DSCAML1: variants seen among roughly 807,000 people sequenced by gnomAD.
DSCAML1 encodes the protein cell adhesion molecule DSCAML1.
A neutral mutation model predicts 200.5 loss-of-function variants in DSCAML1; 38 were observed. The observed-to-expected ratio is 0.19, with a 90% CI of 0.15 to 0.25. DSCAML1 has a LOEUF of 0.25. Ranked by LOEUF, DSCAML1 falls within the 10% of genes least tolerant of loss-of-function variation. The probability of loss-of-function intolerance (pLI) is 1.00; values close to 1 mark genes in which losing one functional copy is unlikely to be tolerated. For missense variants in DSCAML1, 2,223 were observed against 2,858.8 expected, an observed-to-expected ratio of 0.78 and a Z score of 5.07; for synonymous variants, 1,215 against 1,165.0, an observed-to-expected ratio of 1.04 and a Z score of -0.87.
chr11:117,789,357 G>C (rs898712513), intron 1 of DSCAML1, among the ~76,000 whole-genome samples: 1 of 152,168 alleles, frequency 6.6e-6, no homozygotes, highest in Admixed American at 6.5e-5. Flanking sequence ...TCTTTCCAGG[G>C]AGTCAGCTCA....
At chr11:117,747,641 G>T (rs1002783520) in intron 3 of DSCAML1, among the ~76,000 whole-genome samples, 1 of 152,228 alleles carries the variant, frequency 6.6e-6, no homozygotes, top group Non-Finnish European at 1.5e-5. Flanking sequence ...GAATGAGCTG[G>T]CTTCAGGAGG....
intron 14 of DSCAML1, among the ~76,000 whole-genome samples, chr11:117,473,528 G>A (rs488931): frequency 0.55 from 83,479 of 151,908 alleles, 24,033 homozygotes; most frequent in African/African-American, 0.7. Flanking sequence ...AAACAAAACA[G>A]AAAAACGTAA....
intron 3 of DSCAML1, among the ~76,000 whole-genome samples, chr11:117,664,657 G>A (rs2052935843): frequency 6.6e-6 from 1 of 152,246 alleles, no homozygotes; most frequent in African/African-American, 2.4e-5. Context: ...CACAAAGGGA[G>A]CTCCTCGCAT....
chr11:117,762,624 A>G (rs1442008254), intron 3 of DSCAML1, among the ~76,000 whole-genome samples: 2 of 152,106 alleles, frequency 1.3e-5, no homozygotes, highest in Non-Finnish European at 2.9e-5. Flanking sequence ...GCACTTTGGG[A>G]GGTGGAGGCG....
intron 11 of DSCAML1, among the ~76,000 whole-genome samples, chr11:117,492,130 A>C (rs2049193681): frequency 6.6e-6 from 1 of 151,872 alleles, no homozygotes; most frequent in Non-Finnish European, 1.5e-5. Flanking sequence ...CCCTACCCCG[A>C]GGTAATTCTC....
intron 1 of DSCAML1, among the ~76,000 whole-genome samples, chr11:117,796,795 C>T (rs1165619921): frequency 1.3e-5 from 2 of 152,196 alleles, no homozygotes; most frequent in Non-Finnish European, 2.9e-5. Flanking sequence ...TCCTTTGCCA[C>T]CACCCCTACG....
chr11:117,559,631 C>T (rs1027629656), intron 3 of DSCAML1, among the ~76,000 whole-genome samples: 1 of 152,160 alleles, frequency 6.6e-6, no homozygotes, highest in East Asian at 1.9e-4. Context: ...TCCCCCCTCT[C>T]GTTGCAAATC....
rs1465215590 is a variant in DSCAML1, at chr11:117,473,078, T to TA, written c.2786-1043dup. 2.0e-5 allele frequency among the ~76,000 whole-genome samples: 3 copies of TA among 152,232 alleles called. No individual in the cohort carries two copies. In the South Asian group the frequency reaches 6.2e-4, roughly 32 times the overall value. ...ATTTTCTATGCCTTTAAACCCACAG[T>TA]AGAGTATCGTGAAAAATTCTCCATA... is the stretch of plus-strand genomic sequence containing the variant. On this transcript the variant is annotated intron_variant, in intron 14 of 32. Transcript: ENST00000651296.
intron 3 of DSCAML1, among the ~76,000 whole-genome samples, chr11:117,545,564 G>GC (rs1321566634): frequency 2.0e-5 from 3 of 152,190 alleles, no homozygotes; most frequent in Admixed American, 6.5e-5. Flanking sequence ...CATGAAGATG[G>GC]GGAGGGGAGA....
At chr11:117,718,669 C>CG (rs2053995067) in intron 3 of DSCAML1, among the ~76,000 whole-genome samples, 1 of 39,170 alleles carries the variant, frequency 2.6e-5, no homozygotes, top group African/African-American at 1.2e-4. Flanking sequence ...ATACTCAAAA[C>CG]CCCCCCCCCC....
Position 117,745,441 on chromosome 11 carries a change from C to G in DSCAML1, c.511+31350G>C, listed in dbSNP as rs117373043. Reference sequence around the variant, plus strand: ...CCCTTGAGGCCAAGACAGGGTGGGGCGGGGGACAGGGATGGGCAGCACATA... The same window carrying G: ...CCCTTGAGGCCAAGACAGGGTGGGGGGGGGGACAGGGATGGGCAGCACATA... On this transcript the variant is annotated intron_variant, in intron 3 of 32. Coordinates refer to ENST00000651296, the MANE Select transcript of DSCAML1 (RefSeq NM_020693.4). 1.7e-3 allele frequency among the ~76,000 whole-genome samples: 256 copies of G among 152,082 alleles called. 1 individual carries two copies. The highest frequency in any genetic ancestry group is 5.7e-3 in the African/African-American group (237 of 41,528).
At position 117,458,951 on chromosome 11, in the gene DSCAML1, G is replaced by A. The variant is rs199689298; in HGVS notation, c.3413-42C>T. On this transcript the variant is annotated intron_variant, in intron 18 of 32. Coordinates refer to ENST00000651296, the MANE Select transcript of DSCAML1 (RefSeq NM_020693.4). ...AACTCTGAGGACCCAGCTCCATCGGGCTGTGGCCCCTGCTGCTACCCCTGC... is the reference window on the plus strand; with the variant it reads ...AACTCTGAGGACCCAGCTCCATCGGACTGTGGCCCCTGCTGCTACCCCTGC... 73 of 1,596,916 alleles carry A rather than the reference G, an allele frequency of 4.6e-5. No homozygotes were observed. The African/African-American group carries it at 7.2e-4, about 16-fold the overall frequency.
intron 3 of DSCAML1, among the ~76,000 whole-genome samples, chr11:117,757,620 A>ACACACACACACACACAC (rs1565266292): frequency 7.2e-6 from 1 of 139,290 alleles, no homozygotes; most frequent in Non-Finnish European, 1.6e-5. Context: ...ACACACACAC[A>ACACACACACACACACAC]ATTATTTTTC....
intron 3 of DSCAML1, among the ~76,000 whole-genome samples, chr11:117,659,254 G>T (rs1266374820): frequency 6.6e-6 from 1 of 152,216 alleles, no homozygotes; most frequent in Non-Finnish European, 1.5e-5. Flanking sequence ...CTCCCTGGCT[G>T]TGACAATCAC....
intron 4 of DSCAML1, among the ~76,000 whole-genome samples, chr11:117,525,457 G>T (rs2049961828): frequency 6.6e-6 from 1 of 151,926 alleles, no homozygotes; most frequent in Admixed American, 6.5e-5. Context: ...AGAGTCCCTG[G>T]CTTCTTTTTT....
rs201301525 is a variant in DSCAML1 at position 117,504,953 on chromosome 11, G to A, written c.2153C>T (p.Pro718Leu). The change falls in exon 10 of 33, where the codon CCA becomes CTA. Residue 718 changes from proline to leucine, a missense_variant. Physicochemically the swap from Pro to Leu is moderately conservative, Grantham distance 98 (BLOSUM62 -3). Coordinates refer to ENST00000651296, the MANE Select transcript of DSCAML1 (RefSeq NM_020693.4). The surrounding 1 kb of genome is among the most constrained non-coding windows in gnomAD (Gnocchi z 5.0). ...VLNCSVDGYP[P>L]PKVMWKHAKG... ...GGCATGCTTCCACATGACCTTGGGT[G>A]GGGGGTAGCCGTCCACCGAGCAGTT... 3.1e-6 allele frequency: 5 copies of A among 1,609,816 alleles called. No homozygotes were observed. The highest frequency in any genetic ancestry group is 2.2e-5 in the East Asian group (1 of 44,798).
chr11:117,804,142 C>T (rs1007480931), intron 1 of DSCAML1, among the ~76,000 whole-genome samples: 8 of 152,244 alleles, frequency 5.3e-5, no homozygotes, highest in East Asian at 1.9e-4. Context: ...GCCAAAGCCA[C>T]GGCTCCTGGG....
At chr11:117,639,619 A>C (rs1289407268) in intron 3 of DSCAML1, among the ~76,000 whole-genome samples, 2 of 152,118 alleles carry the variant, frequency 1.3e-5, no homozygotes, top group African/African-American at 4.8e-5. Flanking sequence ...GAGGTCCCCC[A>C]TCCTTGGAGT....
rs908139867 is a variant in DSCAML1 at position 117,504,671 on chromosome 11, A to G, written c.2182+253T>C. Among the ~76,000 whole-genome samples, 1 of 150,980 alleles carries G rather than the reference A, an allele frequency of 6.6e-6. No homozygotes were observed. The highest frequency in any genetic ancestry group is 6.6e-5 in the Admixed American group (1 of 15,162). Reference sequence around the variant, plus strand: ...CTGAGTTCTGGGGCGGAGATGGGAGAGGAGAGGTCGCGTCTGGGGGGACAA... The same window carrying G: ...CTGAGTTCTGGGGCGGAGATGGGAGGGGAGAGGTCGCGTCTGGGGGGACAA... On this transcript the variant is annotated intron_variant, in intron 10 of 32. Coordinates refer to ENST00000651296, the MANE Select transcript of DSCAML1 (RefSeq NM_020693.4). This position sits in a 1 kb window ranked among gnomAD's most constrained non-coding sequence, Gnocchi z 5.0.
Sources: allele counts gnomAD v4.1 joint callset (sites outside exome capture counted in the v4.1 genomes callset), GRCh38; gene constraint gnomAD v4.1.1; non-coding constraint Gnocchi (gnomAD v3.1); transcripts MANE v1.5; gene names NCBI Gene and HGNC (gene_info 2026-07-23, HGNC 2026-07-21).